Variants in IL12B observed in about 807,000 individuals in gnomAD.
IL12B encodes the protein interleukin 12B.
In IL12B, 27 loss-of-function variants were observed where a neutral mutation model predicts 39.2. That is an observed-to-expected ratio of 0.69 (90% confidence interval 0.51 to 0.95). The LOEUF (loss-of-function observed/expected upper bound fraction) is 0.95. IL12B is among the 40% of genes least tolerant of loss of function. IL12B has a pLI of 0.00. For synonymous variants in IL12B, 142 were observed against 152.1 expected (o/e 0.93, Z 0.49); for missense variants, 351 against 397.6 (o/e 0.88, Z 1.00).
intron 2 of IL12B, 108 bp downstream of exon 2, chr5:159,326,587 G>A: frequency 1.3e-6 from 1 of 760,708 alleles, no homozygotes; most frequent in Non-Finnish European, 2.4e-6. Flanking sequence ...TTTCTCTAGA[G>A]GACCCAGTGC....
At chr5:159,330,039 C>T (rs932712978) in intron 1 of IL12B, among the ~76,000 whole-genome samples, 2 of 152,110 alleles carry the variant, frequency 1.3e-5, no homozygotes, top group African/African-American at 4.8e-5. Flanking sequence ...GCACGAAAGG[C>T]TTTTTAAAAA....
Position 159,316,647 on chromosome 5 carries a change from G to A in IL12B, c.*38C>T, listed in dbSNP as rs759089990. 6 of 1,591,016 alleles carry A rather than the reference G, an allele frequency of 3.8e-6. No individual in the cohort carries two copies. In the South Asian group the frequency reaches 6.7e-5, roughly 18 times the overall value. On this transcript the variant is annotated intron_variant, in intron 7 of 7. Transcript: ENST00000231228. The stretch of plus-strand genomic sequence containing the variant: ...ATATCCCTGCATCCAGGTGCACTGA[G>A]AGTGCAGGCCTGGGCTGGCCTTTGA...
chr5:159,326,896 C>T, intron 1 of IL12B, 114 bp from the exon 2 acceptor site: 2 of 735,698 alleles, frequency 2.7e-6, no homozygotes, highest in South Asian at 3.0e-5. Context: ...ACCATATACA[C>T]ATTCTAGCTA....
rs1441359290 is a variant in IL12B, at chr5:159,316,811, A to G, written c.861T>C (p.Asp287=). 2 of 1,613,990 alleles carry G rather than the reference A, an allele frequency of 1.2e-6. No individual in the cohort carries two copies. Among genetic ancestry groups the G allele is most frequent in the Non-Finnish European group, 8.5e-7 (1 of 1,180,030 alleles). Residue 287 remains aspartate, a synonymous_variant, in exon 7 of 8, where the codon GAT becomes GAC. Coordinates refer to ENST00000231228, the MANE Select transcript of IL12B (RefSeq NM_002187.3). ...VQGKSKREKK[D]RVFTDKTSAT... ...CTGAGGTCTTGTCCGTGAAGACTCT[A>G]TCTTTCTGCAAAAGAGAAGGAAAGC...
chr5:159,323,075 C>T lies in IL12B; in HGVS notation c.343G>A (p.Asp115Asn), dbSNP rs1754122054. 1 of 1,614,114 alleles carries T rather than the reference C, an allele frequency of 6.2e-7. No individual in the cohort carries two copies. The highest frequency in any genetic ancestry group is 2.2e-5 in the East Asian group (1 of 44,894). The change falls in exon 3 of 8, where the codon GAT becomes AAT. Residue 115 changes from aspartate to asparagine, a missense_variant. Transcript: ENST00000231228. ...TTACCTTTCTGGTCCTTTAAAATAT[C>T]AGTGGACCAAATTCCATCTTCCTTT... ...HKKEDGIWST[D>N]ILKDQKEPKN...
intron 6 of IL12B, 84 bp downstream of exon 6, chr5:159,318,646 CATTGTT>C: frequency 1.7e-6 from 2 of 1,167,756 alleles, no homozygotes; most frequent in Non-Finnish European, 1.3e-6. Flanking sequence ...ACATGGATGT[CATTGTT>C]ATTATCATCA....
In IL12B at chr5:159,322,506, T is replaced by G; in HGVS notation, c.370A>C (p.Lys124Gln). 1.2e-6 allele frequency: 2 copies of G among 1,609,352 alleles called. No homozygotes were observed. The highest frequency in any genetic ancestry group is 1.1e-5 in the South Asian group (1 of 90,974). The change falls in exon 4 of 8, where the codon AAA (lysine) becomes CAA (glutamine). Residue 124 changes from lysine (K) to glutamine (Q), a missense_variant. Lys to Gln is a moderately conservative substitution (Grantham distance 53, BLOSUM62 1). Transcript: ENST00000231228. Reference sequence around the variant, plus strand: ...TCGCATCTTAGAAAGGTCTTATTTTTGGGTTCTGGATTTGAAAAAAACAAA... The same window carrying G: ...TCGCATCTTAGAAAGGTCTTATTTTGGGGTTCTGGATTTGAAAAAAACAAA... ...TDILKDQKEP[K>Q]NKTFLRCEAK...
intron 2 of IL12B, among the ~76,000 whole-genome samples, chr5:159,323,799 G>A (rs1232959303): frequency 6.6e-6 from 1 of 151,980 alleles, no homozygotes; most frequent in Non-Finnish European, 1.5e-5. Context: ...TAACCAGCTG[G>A]GGGATTTGGA....
At chr5:159,316,858 T>G (rs376860098) in intron 6 of IL12B, 42 bp from the exon 7 acceptor site, 3 of 1,611,470 alleles carry the variant, frequency 1.9e-6, no homozygotes, top group Non-Finnish European at 1.7e-6. Flanking sequence ...CTTGGCAACA[T>G]AGTCACAGGG....
intron 6 of IL12B, among the ~76,000 whole-genome samples, chr5:159,317,464 C>T (rs1754007735): frequency 6.6e-6 from 1 of 152,162 alleles, no homozygotes. Context: ...AATATCTATT[C>T]CAGGATAGCC....
chr5:159,330,288 A>G (rs1754255271), intron 1 of IL12B, 144 bp downstream of exon 1: 1 of 152,214 alleles, frequency 6.6e-6, no homozygotes, highest in Non-Finnish European at 1.5e-5. Context: ...CTAATGTTCC[A>G]GCAGATGACT....
chr5:159,319,054 G>C (rs1436104223), intron 5 of IL12B, among the ~76,000 whole-genome samples, 161 bp from the exon 6 acceptor site: 1 of 152,208 alleles, frequency 6.6e-6, no homozygotes, highest in Non-Finnish European at 1.5e-5. Context: ...CACCTCTGCC[G>C]CAGGTGCTCA....
chr5:159,329,817 T>C (rs942361044), intron 1 of IL12B, among the ~76,000 whole-genome samples: 2 of 152,184 alleles, frequency 1.3e-5, no homozygotes, highest in Non-Finnish European at 2.9e-5. Context: ...AAAACCTTTT[T>C]TTCCCCCTTC....
chr5:159,325,085 T>C (rs1754163272), intron 2 of IL12B, among the ~76,000 whole-genome samples: 1 of 152,140 alleles, frequency 6.6e-6, no homozygotes, highest in African/African-American at 2.4e-5. Flanking sequence ...GGAAAACAGC[T>C]GCAGGAGGAA....
chr5:159,320,944 T>C (rs1271987103), intron 4 of IL12B, among the ~76,000 whole-genome samples: 1 of 152,064 alleles, frequency 6.6e-6, no homozygotes, highest in African/African-American at 2.4e-5. Flanking sequence ...TAAGTACTAA[T>C]AATAGCTTGT....
intron 3 of IL12B, 25 bp from the exon 4 acceptor site, chr5:159,322,536 C>A: frequency 6.8e-7 from 1 of 1,470,368 alleles, no homozygotes; most frequent in Non-Finnish European, 9.5e-7. Flanking sequence ...AACAAAAATT[C>A]AATATTTAGG....
At chr5:159,326,147 A>T (rs1220967736) in intron 2 of IL12B, among the ~76,000 whole-genome samples, 1 of 152,220 alleles carries the variant, frequency 6.6e-6, no homozygotes, top group Non-Finnish European at 1.5e-5. Flanking sequence ...ACTTTGTAAC[A>T]TCCAGTTTAC....
At chr5:159,325,433 A>G (rs1337993004) in intron 2 of IL12B, 1 of 152,192 alleles carries the variant, frequency 6.6e-6, no homozygotes, top group Non-Finnish European at 1.5e-5. Flanking sequence ...TCTTTCAGGT[A>G]CCCATTTCAA....
chr5:159,316,836 C>T lies in IL12B; in HGVS notation c.856-20G>A. 1 of 1,613,766 alleles carries T rather than the reference C, an allele frequency of 6.2e-7. No individual in the cohort carries two copies. Among genetic ancestry groups the T allele is most frequent in the East Asian group, 2.2e-5 (1 of 44,882 alleles). ...ATCTTTCTGCAAAAGAGAAGGAAAG[C>T]TGTGAAGACCCCTTGGCAACATAGT... is the stretch of plus-strand genomic sequence containing the variant. On this transcript the variant is annotated intron_variant, in intron 6 of 7. Coordinates refer to ENST00000231228, the MANE Select transcript of IL12B (RefSeq NM_002187.3).
Sources: gnomAD v4.1 joint callset for allele counts (sites outside exome capture counted in the v4.1 genomes callset) on GRCh38, gnomAD v4.1.1 for gene constraint, MANE v1.5 for transcripts, NCBI Gene and HGNC (gene_info 2026-07-23, HGNC 2026-07-21) for gene names.